EVA1B: variants seen among roughly 807,000 people sequenced by gnomAD.
EVA1B encodes eva-1 homolog B.
EVA1B carries 2 observed loss-of-function variants against 4.6 expected under a neutral mutation model. The observed-to-expected ratio is 0.43, with a 90% CI of 0.18 to 1.37. EVA1B has a LOEUF of 1.37. Ranked by LOEUF, EVA1B falls within the 40% of genes most tolerant of loss-of-function variation. The probability of loss-of-function intolerance (pLI) is 0.28; values close to 1 mark genes in which losing one functional copy is unlikely to be tolerated. For synonymous variants in EVA1B, 124 were observed against 115.8 expected (o/e 1.07, Z -0.46); for missense variants, 263 against 240.4 (o/e 1.09, Z -0.62).
In EVA1B at chr1:36,322,215, C is replaced by G; in HGVS notation, c.*80G>C. The G allele has an allele frequency of 1.4e-6, 2 of 1,398,518 alleles. No homozygotes were observed. The highest frequency in any genetic ancestry group is 1.9e-6 in the Non-Finnish European group (2 of 1,076,742). 86.6% of individuals were successfully genotyped at this position (1,398,518 alleles called of 1,614,324 possible). On this transcript the variant is annotated 3_prime_UTR_variant, in exon 3 of 3. Transcript: ENST00000490466. ...CACCTGGGAGCTGTGGGGGCCGAGG[C>G]AGTCCGAAGGTGTGGGGTAGCTCTG...
At chr1:36,323,647 A>AGGGACGGGGC (rs1646507329), upstream of EVA1B, 1 of 151,418 alleles carries the variant, frequency 6.6e-6, no homozygotes, top group Non-Finnish European at 1.5e-5. Flanking sequence ...AGGAAAGAGG[A>AGGGACGGGGC]GGGACGGGGC....
intron 1 of EVA1B, 136 bp downstream of exon 1, chr1:36,323,323 C>G: frequency 7.5e-6 from 3 of 400,088 alleles, no homozygotes; most frequent in Non-Finnish European, 1.3e-5. Flanking sequence ...AGGCCCGGTT[C>G]CGCCGTCCCG....
chr1:36,322,229 G>A lies in EVA1B; in HGVS notation c.*66C>T. On this transcript the variant is annotated 3_prime_UTR_variant, in exon 3 of 3. Coordinates refer to ENST00000490466, the MANE Select transcript of EVA1B (RefSeq NM_001304762.2). ...GGGGGCCGAGGCAGTCCGAAGGTGT[G>A]GGGTAGCTCTGAGCTCATGTGCAGG... 2 of 1,416,862 alleles carry A rather than the reference G, an allele frequency of 1.4e-6. No homozygotes were observed. Among genetic ancestry groups the A allele is most frequent in the African/African-American group, 1.5e-5 (1 of 66,984 alleles). 87.8% of individuals were successfully genotyped at this position (1,416,862 alleles called of 1,614,324 possible).
intron 1 of EVA1B, 55 bp from the exon 2 acceptor site, chr1:36,323,122 CT>C: frequency 1.4e-6 from 2 of 1,443,354 alleles, no homozygotes; most frequent in East Asian, 2.6e-5. Flanking sequence ...ACCCCGACCC[CT>C]TCCGCGGGCA....
chr1:36,322,217 G>A lies in EVA1B; in HGVS notation c.*78C>T. The stretch of plus-strand genomic sequence containing the variant: ...CCTGGGAGCTGTGGGGGCCGAGGCA[G>A]TCCGAAGGTGTGGGGTAGCTCTGAG... On this transcript the variant is annotated 3_prime_UTR_variant, in exon 3 of 3. Transcript: ENST00000490466. The A allele has an allele frequency of 7.1e-7, 1 of 1,404,778 alleles. No individual in the cohort carries two copies. Among genetic ancestry groups the A allele is most frequent in the Non-Finnish European group, 9.3e-7 (1 of 1,080,496 alleles). 87.0% of individuals were successfully genotyped at this position (1,404,778 alleles called of 1,614,324 possible). A position where few individuals can be genotyped will look rare whatever the true frequency, so the allele number is the denominator to read the frequency against.
chr1:36,322,860 G>C, intron 2 of EVA1B, 111 bp downstream of exon 2: 3 of 1,514,450 alleles, frequency 2.0e-6, no homozygotes, highest in Non-Finnish European at 1.8e-6. Context: ...AACCGCCAGC[G>C]GGCAAGAGGG....
chr1:36,323,595 G>C lies in EVA1B; in HGVS notation c.-167C>G, dbSNP rs1646506352. Reference sequence around the variant, plus strand: ...GCTCCCAGGCCGCGGCAGCACGGGCGGGACACGGACCGAGGGACCAGCCGG... The same window carrying C: ...GCTCCCAGGCCGCGGCAGCACGGGCCGGACACGGACCGAGGGACCAGCCGG... On this transcript the variant is annotated 5_prime_UTR_variant, in exon 1 of 3. Coordinates refer to ENST00000490466, the MANE Select transcript of EVA1B (RefSeq NM_001304762.2). 1 of 152,064 alleles carries C rather than the reference G, an allele frequency of 6.6e-6. No homozygotes were observed. Among genetic ancestry groups the C allele is most frequent in the African/African-American group, 2.4e-5 (1 of 41,408 alleles). The allele number at this position is 152,064 out of a possible 1,614,324, so 9.4% of individuals were successfully genotyped here. A position where few individuals can be genotyped will look rare whatever the true frequency, so the allele number is the denominator to read the frequency against.
Position 36,322,505 on chromosome 1 carries a change from CG to C in EVA1B, c.287del (p.Pro96ArgfsTer115). 3.1e-6 allele frequency: 5 copies of C among 1,602,158 alleles called. No homozygotes were observed. Among genetic ancestry groups the C allele is most frequent in the Non-Finnish European group, 2.5e-6 (3 of 1,178,774 alleles). ...VTRLGPDDTL[P>X]GPELSAEPDG... Reference sequence around the variant, plus strand: ...CCGGCTCTGCGGACAGCTCGGGGCCCGGCAGCGTGTCGTCGGGGCCCAGCCG... The same window carrying C: ...CCGGCTCTGCGGACAGCTCGGGGCCCGCAGCGTGTCGTCGGGGCCCAGCCG... On this transcript the variant is annotated frameshift_variant, in exon 3 of 3. Coordinates refer to ENST00000490466, the MANE Select transcript of EVA1B (RefSeq NM_001304762.2). LOFTEE classifies it high-confidence loss of function.
At position 36,322,627 on chromosome 1, in the gene EVA1B, G is replaced by C; in HGVS notation, c.166C>G (p.Arg56Gly). The change falls in exon 3 of 3, where the codon CGC becomes GGC. Residue 56 changes from arginine to glycine, a missense_variant. Arg to Gly is a moderately radical substitution (Grantham distance 125). Transcript: ENST00000490466. ...TGAGCCGGGCCCCGGGGCCGCGGGCGGGGCGCCCACGAGATGCTGATGACG... is the reference window on the plus strand; with the variant it reads ...TGAGCCGGGCCCCGGGGCCGCGGGCCGGGCGCCCACGAGATGCTGATGACG... ...LLVISISWAPRPRPRGPAQRR... is the reference protein window; with the variant it reads ...LLVISISWAPGPRPRGPAQRR... 1 of 1,545,720 alleles carries C rather than the reference G, an allele frequency of 6.5e-7. No homozygotes were observed. The highest frequency in any genetic ancestry group is 2.4e-5 in the East Asian group (1 of 41,020).
At position 36,322,122 on chromosome 1, in the gene EVA1B, G is replaced by A; in HGVS notation, c.*173C>T. ...GGACCCTGCATGCTGCCCCCTCCCC[G>A]CCCCCGGGGTCTTCTGGCAGGACTG... On this transcript the variant is annotated 3_prime_UTR_variant, in exon 3 of 3. Transcript: ENST00000490466. 3 of 1,344,190 alleles carry A rather than the reference G, an allele frequency of 2.2e-6. No individual in the cohort carries two copies. The highest frequency in any genetic ancestry group is 3.5e-5 in the South Asian group (2 of 56,960). The allele number at this position is 1,344,190 out of a possible 1,614,324, so 83.3% of individuals were successfully genotyped here.
chr1:36,322,993 C>T lies in EVA1B; in HGVS notation c.45G>A (p.Leu15=). ...CACCGCGGATGTGCGCGTAGGCAGCCAGGCTGTTGCTGAGCAACTCCATGT... is the reference window on the plus strand; with the variant it reads ...CACCGCGGATGTGCGCGTAGGCAGCTAGGCTGTTGCTGAGCAACTCCATGT... ...RRDMELLSNS[L]AAYAHIRANP... The change falls in exon 2 of 3, where the codon CTG becomes CTA. Residue 15 remains leucine (L), a synonymous_variant. Coordinates refer to ENST00000490466, the MANE Select transcript of EVA1B (RefSeq NM_001304762.2). 1.9e-6 allele frequency: 3 copies of T among 1,605,520 alleles called. No individual in the cohort carries two copies. Among genetic ancestry groups the T allele is most frequent in the Non-Finnish European group, 1.7e-6 (2 of 1,177,182 alleles).
chr1:36,322,933 A>AG, intron 2 of EVA1B, 38 bp downstream of exon 2: 3 of 1,603,476 alleles, frequency 1.9e-6, no homozygotes, highest in Non-Finnish European at 2.6e-6. Context: ...TGGTCAGGGA[A>AG]GGGTTCAGGC....
Position 36,322,541 on chromosome 1 carries a change from GTCC to G in EVA1B, c.249_251del (p.Glu83del). On this transcript the variant is annotated inframe_deletion, in exon 3 of 3. Coordinates refer to ENST00000490466, the MANE Select transcript of EVA1B (RefSeq NM_001304762.2). ...CGTCGGGGCCCAGCCGAGTCACCGT[GTCC>G]TCCTCGTCCTCGTCGTCGTCCTCGG... The G allele has an allele frequency of 6.3e-7, 1 of 1,598,124 alleles. No homozygotes were observed. Among genetic ancestry groups the G allele is most frequent in the Non-Finnish European group, 8.5e-7 (1 of 1,177,080 alleles).
rs1191787114 is a variant in EVA1B, at chr1:36,322,642, TGCTGATGACGAGCAG to T, written c.136_150del (p.Leu46_Ser50del). ...GGCCGCGGGCGGGGCGCCCACGAGA[TGCTGATGACGAGCAG>T]GCAGAGGGTGAGCAGCAGGCCGAAG... On this transcript the variant is annotated inframe_deletion, in exon 3 of 3. Transcript: ENST00000490466. The T allele has an allele frequency of 1.8e-5, 28 of 1,544,488 alleles. No individual in the cohort carries two copies. Among genetic ancestry groups the T allele is most frequent in the Non-Finnish European group, 2.4e-5 (28 of 1,146,530 alleles).
Position 36,322,959 on chromosome 1 carries a change from G to A in EVA1B, c.67+12C>T. ...GGGTTCAGGCCCCCAGTCTTCCGGCGCCCGCCCTCACCGCGGATGTGCGCG... is the reference window on the plus strand; with the variant it reads ...GGGTTCAGGCCCCCAGTCTTCCGGCACCCGCCCTCACCGCGGATGTGCGCG... On this transcript the variant is annotated intron_variant, in intron 2 of 2. Coordinates refer to ENST00000490466, the MANE Select transcript of EVA1B (RefSeq NM_001304762.2). 6.2e-7 allele frequency: 1 copy of A among 1,606,500 alleles called. No individual in the cohort carries two copies. The highest frequency in any genetic ancestry group is 8.5e-7 in the Non-Finnish European group (1 of 1,177,256).
In EVA1B at chr1:36,322,562, G is replaced by C; in HGVS notation, c.231C>G (p.Asp77Glu). ...CCGTGTCCTCCTCGTCCTCGTCGTC[G>C]TCCTCGGGCTCCAGGGTGCTGCTGC... ...DPRSSTLEPE[D>E]DDEDEEDTVT... The change falls in exon 3 of 3, where the codon GAC becomes GAG. Residue 77 changes from aspartate (D) to glutamate (E), a missense_variant. Transcript: ENST00000490466. 2 of 1,592,172 alleles carry C rather than the reference G, an allele frequency of 1.3e-6. No individual in the cohort carries two copies. Among genetic ancestry groups the C allele is most frequent in the Non-Finnish European group, 1.7e-6 (2 of 1,174,236 alleles).
At chr1:36,323,182 C>A in intron 1 of EVA1B, 115 bp from the exon 2 acceptor site, 1 of 844,676 alleles carries the variant, frequency 1.2e-6, no homozygotes, top group Non-Finnish European at 1.8e-6. Context: ...GGAGAGAGCG[C>A]TTCCCTAACT....
At position 36,322,186 on chromosome 1, in the gene EVA1B, G is replaced by C. The variant is rs993403690; in HGVS notation, c.*109C>G. The C allele has an allele frequency of 1.7e-5, 23 of 1,371,700 alleles. No individual in the cohort carries two copies. The highest frequency in any genetic ancestry group is 3.1e-5 in the Admixed American group (1 of 31,778). 85.0% of individuals were successfully genotyped at this position (1,371,700 alleles called of 1,614,324 possible). A position where few individuals can be genotyped will look rare whatever the true frequency, so the allele number is the denominator to read the frequency against. On this transcript the variant is annotated 3_prime_UTR_variant, in exon 3 of 3. Coordinates refer to ENST00000490466, the MANE Select transcript of EVA1B (RefSeq NM_001304762.2). ...CTCAGGGGGTGGCGGTCCACGCCCA[G>C]TAGCACCTGGGAGCTGTGGGGGCCG... is the stretch of plus-strand genomic sequence containing the variant.
chr1:36,322,580 G>T lies in EVA1B; in HGVS notation c.213C>A (p.Ser71Arg). 6.3e-7 allele frequency: 1 copy of T among 1,578,650 alleles called. No homozygotes were observed. The highest frequency in any genetic ancestry group is 2.3e-5 in the East Asian group (1 of 43,602). The change falls in exon 3 of 3, where the codon AGC becomes AGA. Residue 71 changes from serine to arginine, a missense_variant. Physicochemically the swap from Ser to Arg is moderately radical, Grantham distance 110. Coordinates refer to ENST00000490466, the MANE Select transcript of EVA1B (RefSeq NM_001304762.2). ...GPAQRRDPRS[S>R]TLEPEDDDED... is the part of the protein sequence containing the mutation. ...CGTCGTCGTCCTCGGGCTCCAGGGT[G>T]CTGCTGCGGGGGTCCCGGCGCTGAG...
Sources: allele counts gnomAD v4.1 joint callset, GRCh38; gene constraint gnomAD v4.1.1; transcripts MANE v1.5; gene names NCBI Gene and HGNC (gene_info 2026-07-23, HGNC 2026-07-21).